Variants in CCDC33 observed in about 807,000 individuals in gnomAD.
CCDC33 encodes coiled-coil domain-containing protein 33.
A neutral mutation model predicts 91.9 loss-of-function variants in CCDC33; 94 were observed. The ratio of observed to expected loss-of-function variants is 1.02; its 90% CI spans 0.87 to 1.21. The LOEUF (loss-of-function observed/expected upper bound fraction) is 1.21, where lower values mean the gene tolerates loss of function less well. Ranked by LOEUF, CCDC33 falls within the 50% of genes most tolerant of loss-of-function variation. The probability of loss-of-function intolerance (pLI) is 0.00; values close to 1 mark genes in which losing one functional copy is unlikely to be tolerated. For missense variants in CCDC33, 940 were observed against 935.5 expected (o/e 1.00, Z -0.06); for synonymous variants, 396 against 374.5 (o/e 1.06, Z -0.66).
chr15:74,229,645 C>T (rs1234187497), intron 2 of CCDC33, among the ~76,000 whole-genome samples: 1 of 152,204 alleles, frequency 6.6e-6, no homozygotes, highest in Non-Finnish European at 1.5e-5. Context: ...CCGTGCATGC[C>T]CTAGCAAGGC....
At chr15:74,308,392 G>T (rs1310410839) in intron 11 of CCDC33, among the ~76,000 whole-genome samples, 2 of 37,790 alleles carry the variant, frequency 5.3e-5, no homozygotes, top group Non-Finnish European at 6.9e-5. Context: ...CACACATTTG[G>T]TGCTAAATAT....
At chr15:74,217,176 C>G, upstream of CCDC33, 1 of 947,138 alleles carries the variant, frequency 1.1e-6, no homozygotes, top group South Asian at 1.8e-5. Flanking sequence ...GGGAGTGTCC[C>G]TGAGCACCCA....
In CCDC33 at chr15:74,240,437, A is replaced by G. The variant is rs1435193010; in HGVS notation, c.22-3548A>G. Among the ~76,000 whole-genome samples, 5 of 152,174 alleles carry G rather than the reference A, an allele frequency of 3.3e-5. No homozygotes were observed. In the East Asian group the frequency reaches 9.6e-4, roughly 29 times the overall value. ...CACAGCAAGGTGAATCCATCTAGGAACATGAATCACCCCTCCCAGCCTCAC... is the reference window on the plus strand; with the variant it reads ...CACAGCAAGGTGAATCCATCTAGGAGCATGAATCACCCCTCCCAGCCTCAC... On this transcript the variant is annotated intron_variant, in intron 1 of 18. Coordinates refer to ENST00000398814, the MANE Select transcript of CCDC33 (RefSeq NM_025055.5).
chr15:74,325,244 TC>T (rs1282015160), intron 11 of CCDC33, among the ~76,000 whole-genome samples: 1 of 100,134 alleles, frequency 1.0e-5, no homozygotes, highest in Non-Finnish European at 2.6e-5. Context: ...GAATCCAAGC[TC>T]CTGAGATTGG....
chr15:74,280,787 C>A lies in CCDC33; in HGVS notation c.1009C>A (p.Arg337=). Residue 337 remains arginine, a synonymous_variant, in exon 9 of 19, where the codon CGG becomes AGG. Coordinates refer to ENST00000398814, the MANE Select transcript of CCDC33 (RefSeq NM_025055.5). ...GKGLDGLHVE[R]LPIMDTSLKT... Reference sequence around the variant, plus strand: ...AGGCTTGGACGGGCTTCACGTGGAGCGGCTCCCCATCATGGTGAGCCCCCT... The same window carrying A: ...AGGCTTGGACGGGCTTCACGTGGAGAGGCTCCCCATCATGGTGAGCCCCCT... 6.5e-7 allele frequency: 1 copy of A among 1,537,604 alleles called. No individual in the cohort carries two copies. Among genetic ancestry groups the A allele is most frequent in the Non-Finnish European group, 8.8e-7 (1 of 1,141,700 alleles).
intron 18 of CCDC33, chr15:74,335,319 C>T: frequency 3.3e-6 from 2 of 609,286 alleles, no homozygotes; most frequent in Admixed American, 2.9e-5. Context: ...ACCCTTTCCC[C>T]CATGGGGTGC....
At chr15:74,231,061 G>A (rs1175546151) in intron 2 of CCDC33, among the ~76,000 whole-genome samples, 1 of 152,194 alleles carries the variant, frequency 6.6e-6, no homozygotes, top group Non-Finnish European at 1.5e-5. Flanking sequence ...ATACACAAGG[G>A]TTTAGCCCAG....
intron 11 of CCDC33, among the ~76,000 whole-genome samples, chr15:74,306,446 G>T (rs2059895521): frequency 6.6e-6 from 1 of 152,200 alleles, no homozygotes; most frequent in African/African-American, 2.4e-5. Flanking sequence ...AACCATAACA[G>T]ATCTTTGATT....
chr15:74,208,058 G>A (rs1485874350), intron 1 of CCDC33: 3 of 1,288,610 alleles, frequency 2.3e-6, no homozygotes, highest in Non-Finnish European at 3.0e-6. Context: ...ATAACATAAA[G>A]GATTTAGACC....
chr15:74,309,070 T>C (rs2930294), intron 11 of CCDC33, among the ~76,000 whole-genome samples: 151,953 of 152,182 alleles, frequency 1, 75,862 homozygotes, highest in Middle Eastern at 1. Context: ...CCCTCCTGCC[T>C]ACCTCAGCCT....
At chr15:74,210,667 G>A (rs1255998103) in intron 2 of CCDC33, among the ~76,000 whole-genome samples, 1 of 152,208 alleles carries the variant, frequency 6.6e-6, no homozygotes, top group East Asian at 1.9e-4. Flanking sequence ...AGCCTGCTGT[G>A]AGTAAGGAGC....
chr15:74,300,364 G>A (rs1474681601), intron 11 of CCDC33: 3 of 152,316 alleles, frequency 2.0e-5, no homozygotes, highest in African/African-American at 7.2e-5. Context: ...ATACAGAGTA[G>A]TAGCACTGGG....
chr15:74,283,651 TC>T (rs1406986168), intron 10 of CCDC33, among the ~76,000 whole-genome samples: 1 of 151,964 alleles, frequency 6.6e-6, no homozygotes, highest in African/African-American at 2.4e-5. Flanking sequence ...AGCGTCTCCT[TC>T]CCCCAACCCC....
chr15:74,208,546 TC>T (rs962137549), intron 1 of CCDC33, among the ~76,000 whole-genome samples: 28 of 152,242 alleles, frequency 1.8e-4, no homozygotes, highest in Non-Finnish European at 3.4e-4. Context: ...GCCAGTCAGA[TC>T]CAACTCAGAC....
chr15:74,203,877 G>A (rs968230260), intron 1 of CCDC33, among the ~76,000 whole-genome samples: 1 of 152,038 alleles, frequency 6.6e-6, no homozygotes, highest in African/African-American at 2.4e-5. Context: ...GGGAAAGTCC[G>A]CTGAGCAGAG....
intron 2 of CCDC33, among the ~76,000 whole-genome samples, chr15:74,254,449 C>G (rs2075800028): frequency 6.6e-6 from 1 of 152,192 alleles, no homozygotes; most frequent in South Asian, 2.1e-4. Flanking sequence ...CTCATTGTTC[C>G]TCTCCTGAAC....
intron 1 of CCDC33, chr15:74,208,882 C>T (rs1055502021): frequency 3.0e-6 from 3 of 989,354 alleles, no homozygotes; most frequent in Non-Finnish European, 1.2e-6. Flanking sequence ...CTTGTCCCTC[C>T]AGGCAAGCAG....
intron 2 of CCDC33, among the ~76,000 whole-genome samples, chr15:74,258,298 C>T (rs143892440): frequency 2.5e-4 from 38 of 152,318 alleles, no homozygotes; most frequent in African/African-American, 8.7e-4. Context: ...ACCCCAGCAG[C>T]CACAGCAGAT....
At chr15:74,203,529 C>T (rs914936186) in intron 1 of CCDC33, among the ~76,000 whole-genome samples, 1 of 152,266 alleles carries the variant, frequency 6.6e-6, no homozygotes, top group Non-Finnish European at 1.5e-5. Context: ...GGTCTCTGTC[C>T]TTCCAATACC....
Sources: gnomAD v4.1 joint callset for allele counts (sites outside exome capture counted in the v4.1 genomes callset) on GRCh38, gnomAD v4.1.1 for gene constraint, MANE v1.5 for transcripts, NCBI Gene and HGNC (gene_info 2026-07-23, HGNC 2026-07-21) for gene names.